The following SLC4A4 variants were observed in gnomAD, a reference collection of about 807,000 sequenced individuals.
The protein encoded by SLC4A4 is solute carrier family 4 member 4.
Under a neutral mutation model 111.5 loss-of-function variants are expected in SLC4A4, and 27 were observed. That is an observed-to-expected ratio of 0.24 (90% CI 0.18 to 0.33). The LOEUF is 0.33. SLC4A4 is among the 10% of genes least tolerant of loss of function. SLC4A4 has a pLI of 1.00. For missense variants in SLC4A4, 909 were observed against 1,315.5 expected, an observed-to-expected ratio of 0.69 and a Z score of 4.78; for synonymous variants, 443 against 463.4, an observed-to-expected ratio of 0.96 and a Z score of 0.57.
At chr4:71,531,938 A>C in intron 16 of SLC4A4, 124 bp from the exon 17 acceptor site, 1 of 697,348 alleles carries the variant, frequency 1.4e-6, no homozygotes, top group Non-Finnish European at 2.6e-6. Flanking sequence ...TACCTCCTTC[A>C]ATTTGTTGAT....
At chr4:71,304,938 A>G (rs1432395767) in intron 3 of SLC4A4, among the ~76,000 whole-genome samples, 4 of 152,238 alleles carry the variant, frequency 2.6e-5, no homozygotes, top group Non-Finnish European at 4.4e-5. Context: ...TTGTTTTAAT[A>G]GCACTGCAAT....
At chr4:71,302,109 G>T (rs1449034247) in intron 3 of SLC4A4, among the ~76,000 whole-genome samples, 6 of 152,154 alleles carry the variant, frequency 3.9e-5, no homozygotes, top group Non-Finnish European at 5.9e-5. Context: ...ACATATATGA[G>T]TCTGAGGCTG....
At chr4:71,547,969 A>T (rs1735677518) in intron 20 of SLC4A4, among the ~76,000 whole-genome samples, 2 of 151,842 alleles carry the variant, frequency 1.3e-5, no homozygotes, top group African/African-American at 4.8e-5. Context: ...ACAATATCCA[A>T]ACTTTCTGAT....
intron 2 of SLC4A4, among the ~76,000 whole-genome samples, chr4:71,173,056 G>A (rs922835381): frequency 3.4e-4 from 52 of 152,184 alleles, no homozygotes; most frequent in African/African-American, 1.2e-3. Context: ...AAAACTATAT[G>A]TTGTATTTCT....
intron 3 of SLC4A4, among the ~76,000 whole-genome samples, chr4:71,306,248 CAGTT>C (rs1241440524): frequency 1.3e-5 from 2 of 151,302 alleles, no homozygotes; most frequent in African/African-American, 2.4e-5. Context: ...TGACCTTGAG[CAGTT>C]AGTTAGCTTT....
At chr4:71,307,294 C>T (rs1560396417) in intron 3 of SLC4A4, among the ~76,000 whole-genome samples, 1 of 152,188 alleles carries the variant, frequency 6.6e-6, no homozygotes, top group African/African-American at 2.4e-5. Context: ...ATTTTATACA[C>T]ATTTCTGATT....
At chr4:71,397,784 C>T in intron 7 of SLC4A4, 131 bp downstream of exon 7, 1 of 796,730 alleles carries the variant, frequency 1.3e-6, no homozygotes, top group Non-Finnish European at 2.2e-6. Context: ...TTGCACTTTC[C>T]TGGGCAGAAG....
At chr4:71,288,393 A>G (rs1724080594) in intron 3 of SLC4A4, among the ~76,000 whole-genome samples, 1 of 149,762 alleles carries the variant, frequency 6.7e-6, no homozygotes, top group African/African-American at 2.5e-5. Context: ...CAGAGAACAA[A>G]TATAGGGTAG....
At chr4:71,341,847 TG>T (rs1448788032) in intron 4 of SLC4A4, among the ~76,000 whole-genome samples, 2 of 152,142 alleles carry the variant, frequency 1.3e-5, no homozygotes, top group East Asian at 3.9e-4. Flanking sequence ...CAGAAAAAAC[TG>T]CTTTAAAAAT....
At chr4:71,088,343 C>T (rs983535432) in intron 1 of SLC4A4, among the ~76,000 whole-genome samples, 1 of 151,522 alleles carries the variant, frequency 6.6e-6, no homozygotes, top group African/African-American at 2.4e-5. Context: ...ACTGATGGGT[C>T]TTGACTCTTT....
chr4:71,156,565 TG>T (rs1744470839), intron 2 of SLC4A4, among the ~76,000 whole-genome samples: 2 of 27,398 alleles, frequency 7.3e-5, no homozygotes, highest in African/African-American at 8.7e-5. Context: ...AATAAGTGTG[TG>T]CGCGCATGCG....
chr4:71,540,335 T>C (rs945048878), intron 18 of SLC4A4, among the ~76,000 whole-genome samples: 10 of 152,190 alleles, frequency 6.6e-5, no homozygotes, highest in Non-Finnish European at 1.3e-4. Context: ...TTTTCTTTCA[T>C]AGATTTTGAT....
chr4:71,482,975 A>G (rs1394009427), intron 14 of SLC4A4, among the ~76,000 whole-genome samples: 1 of 151,676 alleles, frequency 6.6e-6, no homozygotes. Flanking sequence ...TGGGTATAAA[A>G]GTATACCCAT....
At chr4:71,439,095 C>T (rs1724429171) in intron 7 of SLC4A4, among the ~76,000 whole-genome samples, 1 of 151,682 alleles carries the variant, frequency 6.6e-6, no homozygotes, top group Non-Finnish European at 1.5e-5. Context: ...TTTCTCAAAA[C>T]AATTATCTTT....
chr4:71,488,157 T>G (rs754234770), intron 15 of SLC4A4, among the ~76,000 whole-genome samples: 2 of 149,226 alleles, frequency 1.3e-5, no homozygotes, highest in Middle Eastern at 3.5e-3. Context: ...ATATATATTT[T>G]AATTAAAATA....
intron 9 of SLC4A4, 93 bp from the exon 10 acceptor site, chr4:71,450,296 A>T (rs1725639896): frequency 1.1e-6 from 1 of 898,262 alleles, no homozygotes; most frequent in African/African-American, 1.6e-5. Context: ...TTAATAGCAC[A>T]GTTGTTATGG....
chr4:71,226,219 C>G (rs1279134623), intron 1 of SLC4A4, among the ~76,000 whole-genome samples: 1 of 152,202 alleles, frequency 6.6e-6, no homozygotes, highest in Non-Finnish European at 1.5e-5. Flanking sequence ...TTGTAACGCA[C>G]TACAGCCTCA....
At position 71,133,061 on chromosome 4, in the gene SLC4A4, T is replaced by A. The variant is rs917428831; in HGVS notation, c.-2+40269T>A. On this transcript the variant is annotated intron_variant, in intron 2 of 26. Transcript: ENST00000649996. ...ATTTGATGAATTACCATTTTTTTTT[T>A]AACCAGGGTGAGATTTGTAGAAATT... Among the ~76,000 whole-genome samples the A allele has an allele frequency of 3.9e-5, 6 of 152,160 alleles. No individual in the cohort carries two copies. In the South Asian group the frequency reaches 6.2e-4, roughly 16 times the overall value.
At chr4:71,101,046 T>C (rs1342800346) in intron 2 of SLC4A4, among the ~76,000 whole-genome samples, 2 of 151,530 alleles carry the variant, frequency 1.3e-5, no homozygotes, top group Non-Finnish European at 2.9e-5. Flanking sequence ...GATCACGAGG[T>C]CAGGAGATTG....
Sources: gnomAD v4.1 joint callset for allele counts (sites outside exome capture counted in the v4.1 genomes callset) on GRCh38, gnomAD v4.1.1 for gene constraint, MANE v1.5 for transcripts, NCBI Gene and HGNC (gene_info 2026-07-23, HGNC 2026-07-21) for gene names.